The following XYLB variants were observed in gnomAD, a reference collection of about 807,000 sequenced individuals.
XYLB encodes xylulokinase.
In XYLB, 62 loss-of-function variants were observed where a neutral mutation model predicts 78.7. The observed-to-expected ratio is 0.79, with a 90% CI of 0.64 to 0.97. The LOEUF (loss-of-function observed/expected upper bound fraction) is 0.97. XYLB is among the 50% of genes least tolerant of loss of function. XYLB has a pLI of 0.00. For synonymous variants in XYLB, 245 were observed against 247.4 expected (o/e 0.99, Z 0.09); for missense variants, 687 against 676.8 (o/e 1.02, Z -0.17).
chr3:38,355,885 C>A (rs896673876), intron 2 of XYLB: 1 of 679,638 alleles, frequency 1.5e-6, no homozygotes, highest in Non-Finnish European at 2.7e-6. Flanking sequence ...AAAGAAACTT[C>A]AGCTGTATCA....
chr3:38,368,315 G>T, intron 8 of XYLB, 58 bp downstream of exon 8: 1 of 1,533,554 alleles, frequency 6.5e-7, no homozygotes, highest in Non-Finnish European at 9.0e-7. Context: ...ATGTGGGTGT[G>T]CAAGCAGTGG....
chr3:38,351,389 A>C (rs773100407), intron 2 of XYLB, among the ~76,000 whole-genome samples: 7 of 152,026 alleles, frequency 4.6e-5, no homozygotes, highest in Non-Finnish European at 1.0e-4. Context: ...ATTTAAAAAA[A>C]GGTGTCCATA....
rs1440382804 is a variant in XYLB, at chr3:38,370,238, G to GTGCA, written c.765+64_765+65insTGCA. 1.3e-4 allele frequency: 42 copies of GTGCA among 326,746 alleles called. No individual in the cohort carries two copies. In the African/African-American group the frequency reaches 1.7e-3, roughly 13 times the overall value. 20.2% of individuals were successfully genotyped at this position (326,746 alleles called of 1,614,324 possible). On this transcript the variant is annotated intron_variant, in intron 9 of 18. Transcript: ENST00000207870. ...TGGCAGCTACCAGGGAAGCACTGTA[G>GTGCA]CGCACACACACACACACACACACAC...
chr3:38,420,703 C>T (rs988408677), downstream of XYLB, among the ~76,000 whole-genome samples: 13 of 148,764 alleles, frequency 8.7e-5, no homozygotes, highest in Admixed American at 8.3e-4. Context: ...GTTAATAATA[C>T]GTATCTTTCA....
chr3:38,388,633 T>C (rs1707501645), intron 15 of XYLB, among the ~76,000 whole-genome samples: 1 of 152,226 alleles, frequency 6.6e-6, no homozygotes, highest in African/African-American at 2.4e-5. Flanking sequence ...TTCTAATTTT[T>C]TGTATAGTAA....
chr3:38,418,213 AG>A (rs1708864293), downstream of XYLB, among the ~76,000 whole-genome samples: 2 of 148,580 alleles, frequency 1.3e-5, no homozygotes, highest in African/African-American at 2.5e-5. Context: ...AAAAAAAAAA[AG>A]ATATATATAT....
At chr3:38,394,436 A>AT (rs1707786368) in intron 15 of XYLB, among the ~76,000 whole-genome samples, 1 of 151,916 alleles carries the variant, frequency 6.6e-6, no homozygotes, top group Admixed American at 6.6e-5. Context: ...TTTATTCTTT[A>AT]TTTTTTCCAA....
At chr3:38,427,175 C>G in the XYLB span, among the ~76,000 whole-genome samples, 3 of 152,206 alleles carry the variant, frequency 2.0e-5, no homozygotes, top group Non-Finnish European at 4.4e-5. Context: ...CTAATCCCCA[C>G]TTTATACTGT....
At chr3:38,435,243 T>C in the XYLB span, among the ~76,000 whole-genome samples, 1 of 152,044 alleles carries the variant, frequency 6.6e-6, no homozygotes, top group African/African-American at 2.4e-5. Context: ...GAAAAAGATA[T>C]TCCATACAAA....
intron 9 of XYLB, among the ~76,000 whole-genome samples, chr3:38,371,235 A>T (rs1323629518): frequency 1.3e-5 from 2 of 151,418 alleles, no homozygotes; most frequent in Non-Finnish European, 2.9e-5. Flanking sequence ...CAGCTTCCTG[A>T]GTAGCTGGGA....
downstream of XYLB, among the ~76,000 whole-genome samples, chr3:38,425,936 C>A (rs1002010916): frequency 6.6e-6 from 1 of 152,196 alleles, no homozygotes; most frequent in Non-Finnish European, 1.5e-5. Context: ...ACTGATCATT[C>A]TATTTTAGCG....
chr3:38,412,947 C>G lies in XYLB; in HGVS notation c.1545C>G (p.Ala515=), dbSNP rs1190222544. 6.2e-7 allele frequency: 1 copy of G among 1,602,128 alleles called. No homozygotes were observed. The highest frequency in any genetic ancestry group is 1.7e-5 in the Admixed American group (1 of 58,218). ...TTCTGCCCTTCTAGGTCTACGAGGCCCTTCTCCCCCAGTATGCCAAACTCG... is the reference window on the plus strand; with the variant it reads ...TTCTGCCCTTCTAGGTCTACGAGGCGCTTCTCCCCCAGTATGCCAAACTCG... ...PSPGASQVYE[A]LLPQYAKLEQ... is the part of the protein sequence containing the mutation. Residue 515 remains alanine (A), a synonymous_variant, in exon 19 of 19, where the codon GCC becomes GCG. Transcript: ENST00000207870.
intron 14 of XYLB, among the ~76,000 whole-genome samples, chr3:38,378,607 G>T (rs923666347): frequency 6.6e-6 from 1 of 152,028 alleles, no homozygotes; most frequent in Non-Finnish European, 1.5e-5. Context: ...GAAAGAGTAG[G>T]ATAGACTTTC....
chr3:38,390,590 A>G (rs1355422085), intron 15 of XYLB, among the ~76,000 whole-genome samples: 2 of 152,138 alleles, frequency 1.3e-5, no homozygotes, highest in Non-Finnish European at 2.9e-5. Flanking sequence ...TGGTGTGATC[A>G]CGGCTCATTG....
intron 15 of XYLB, among the ~76,000 whole-genome samples, chr3:38,391,102 T>A (rs1382924023): frequency 6.6e-6 from 1 of 152,030 alleles, no homozygotes; most frequent in Non-Finnish European, 1.5e-5. Flanking sequence ...GCTTATAGCC[T>A]ACTCAGGAGG....
At chr3:38,421,805 C>T (rs886600612), downstream of XYLB, among the ~76,000 whole-genome samples, 2 of 152,158 alleles carry the variant, frequency 1.3e-5, no homozygotes, top group South Asian at 2.1e-4. Context: ...TACCCCTCTA[C>T]ACCCCCTCAT....
chr3:38,346,999 C>G, intron 1 of XYLB, 74 bp downstream of exon 1: 1 of 1,311,204 alleles, frequency 7.6e-7, no homozygotes, highest in Non-Finnish European at 9.8e-7. Context: ...GGCTGTCACC[C>G]GGACGCGGGA....
the XYLB span, among the ~76,000 whole-genome samples, chr3:38,432,390 A>C: frequency 1.3e-5 from 2 of 152,060 alleles, no homozygotes. Flanking sequence ...AACATGGTGA[A>C]ATCCCATCTC....
intron 15 of XYLB, among the ~76,000 whole-genome samples, chr3:38,379,697 G>A (rs1217175257): frequency 3.3e-5 from 5 of 152,168 alleles, no homozygotes; most frequent in African/African-American, 7.2e-5. Flanking sequence ...GCAAGGTCTG[G>A]GGACATGAAT....
Sources: gnomAD v4.1 joint callset for allele counts (sites outside exome capture counted in the v4.1 genomes callset) on GRCh38, gnomAD v4.1.1 for gene constraint, MANE v1.5 for transcripts, NCBI Gene and HGNC (gene_info 2026-07-23, HGNC 2026-07-21) for gene names.